RYR2: variants seen among roughly 807,000 people sequenced by gnomAD.
RYR2 encodes the protein ryanodine receptor 2.
A neutral mutation model predicts 601.1 loss-of-function variants in RYR2; 227 were observed. The ratio of observed to expected loss-of-function variants is 0.38; its 90% CI spans 0.34 to 0.42. The LOEUF is 0.42. Ranked by LOEUF, RYR2 falls within the 10% of genes least tolerant of loss-of-function variation. RYR2 has a pLI of 1.00. For missense variants in RYR2, 4,646 were observed against 6,156.5 expected (o/e 0.75, Z 8.21); for synonymous variants, 2,223 against 2,175.1 (o/e 1.02, Z -0.61).
intron 2 of RYR2, among the ~76,000 whole-genome samples, chr1:237,274,638 T>C (rs1690075517): frequency 6.6e-6 from 1 of 152,166 alleles, no homozygotes; most frequent in African/African-American, 2.4e-5. Flanking sequence ...ACAGCGTTTA[T>C]AAAGTTTGCA....
chr1:237,751,989 A>G (rs1378751663), intron 80 of RYR2, among the ~76,000 whole-genome samples: 2 of 152,222 alleles, frequency 1.3e-5, no homozygotes, highest in Non-Finnish European at 2.9e-5. Context: ...CAAACAAAAA[A>G]GATAACATTT....
intron 47 of RYR2, 32 bp downstream of exon 47, chr1:237,641,034 C>G (rs1427858949): frequency 1.3e-6 from 2 of 1,515,702 alleles, no homozygotes; most frequent in East Asian, 2.3e-5. Flanking sequence ...AGCAGCAATC[C>G]TGATTTCTCT....
In RYR2 at chr1:237,595,607, G is replaced by A. The variant is rs1287904079; in HGVS notation, c.4546G>A (p.Gly1516Arg). 2 of 1,613,248 alleles carry A rather than the reference G, an allele frequency of 1.2e-6. No individual in the cohort carries two copies. Among genetic ancestry groups the A allele is most frequent in the South Asian group, 1.1e-5 (1 of 90,876 alleles). The stretch of plus-strand genomic sequence containing the variant: ...TGGCTGTGTGGTGGATGCTGCCAGC[G>A]GGCTGCTCACATTCATTGCCAATGG... ...EIGCVVDAAS[G>R]LLTFIANGKE... Residue 1516 changes from glycine (G) to arginine (R), a missense_variant, in exon 34 of 105, where the codon GGG becomes AGG. This residue lies in a region of RYR2 where 1,807 missense variants were observed against 2,088.1 expected (regional missense o/e 0.87). Coordinates refer to ENST00000366574, the MANE Select transcript of RYR2 (RefSeq NM_001035.3).
rs774515681 is a variant in RYR2 at position 237,783,856 on chromosome 1, C to G, written c.12144C>G (p.Phe4048Leu). 2.0e-5 allele frequency: 32 copies of G among 1,613,694 alleles called. No homozygotes were observed. The highest frequency in any genetic ancestry group is 2.6e-5 in the Non-Finnish European group (31 of 1,179,844). Reference protein sequence around the residue: ...DGKGVISKRDFHKAMESHKHY... With the variant: ...DGKGVISKRDLHKAMESHKHY... Reference sequence around the variant, plus strand: ...AGGGAGTCATTTCCAAGAGGGACTTCCACAAAGCGATGGAGAGCCATAAGC... The same window carrying G: ...AGGGAGTCATTTCCAAGAGGGACTTGCACAAAGCGATGGAGAGCCATAAGC... Residue 4048 changes from phenylalanine to leucine, a missense_variant, in exon 90 of 105, where the codon TTC becomes TTG. Phe to Leu is a conservative substitution (Grantham distance 22, BLOSUM62 0). This residue lies in a region of RYR2 where 66 missense variants were observed against 80.7 expected (regional missense o/e 0.82). Transcript: ENST00000366574.
intron 1 of RYR2, among the ~76,000 whole-genome samples, chr1:237,132,417 G>A (rs1043156742): frequency 1.3e-5 from 2 of 152,198 alleles, no homozygotes; most frequent in African/African-American, 4.8e-5. Flanking sequence ...TTGAATTCCT[G>A]ATCCACAGAA....
intron 74 of RYR2, 90 bp from the exon 75 acceptor site, chr1:237,726,183 A>T: frequency 1.1e-6 from 1 of 888,818 alleles, no homozygotes; most frequent in Admixed American, 2.5e-5. Flanking sequence ...TACTTCAGAC[A>T]TTATTACAAT....
rs1161310484 is a variant in RYR2, at chr1:237,467,935, T to G, written c.1613-1157T>G. 2.0e-5 allele frequency among the ~76,000 whole-genome samples: 3 copies of G among 150,776 alleles called. No individual in the cohort carries two copies. In the Admixed American group the frequency reaches 2.0e-4, roughly 10 times the overall value. On this transcript the variant is annotated intron_variant, in intron 16 of 104. Transcript: ENST00000366574. ...GTGCGGTGGCACGATCTTGGCTCAC[T>G]GCAACATCTGCCTCCCGGGTTCAAG...
chr1:237,325,170 C>A (rs896596762), intron 2 of RYR2, among the ~76,000 whole-genome samples: 1 of 152,180 alleles, frequency 6.6e-6, no homozygotes, highest in African/African-American at 2.4e-5. Context: ...GTTGATTAAT[C>A]TTCAGCAGGA....
chr1:237,605,656 A>G (rs1344543431), intron 35 of RYR2, among the ~76,000 whole-genome samples: 5 of 151,976 alleles, frequency 3.3e-5, no homozygotes, highest in Admixed American at 1.3e-4. Context: ...ATAATTGTAT[A>G]TTTAGAAAAC....
At chr1:237,765,813 C>T (rs1337139654) in intron 84 of RYR2, among the ~76,000 whole-genome samples, 1 of 152,162 alleles carries the variant, frequency 6.6e-6, no homozygotes, top group East Asian at 1.9e-4. Flanking sequence ...TTGAAGCGCT[C>T]ATTTAAATTA....
intron 12 of RYR2, among the ~76,000 whole-genome samples, chr1:237,424,590 T>G (rs1705943138): frequency 6.6e-6 from 1 of 152,210 alleles, no homozygotes; most frequent in African/African-American, 2.4e-5. Flanking sequence ...ATACATGCAC[T>G]ACAATGCTTT....
At chr1:237,515,312 A>T (rs1003781647) in intron 24 of RYR2, among the ~76,000 whole-genome samples, 1 of 152,214 alleles carries the variant, frequency 6.6e-6, no homozygotes, top group South Asian at 2.1e-4. Flanking sequence ...TGATATAAGG[A>T]TTTTTAATCG....
rs769219555 is a variant in RYR2, at chr1:237,648,612, C to T, written c.7511C>T (p.Thr2504Met). Residue 2504 changes from threonine (T) to methionine (M), a missense_variant and splice_region_variant, in exon 49 of 105, where the codon ACG becomes ATG. By Grantham distance (81) the Thr-to-Met change is moderately conservative (BLOSUM62 -1). Coordinates refer to ENST00000366574, the MANE Select transcript of RYR2 (RefSeq NM_001035.3). ...PDLRAAASLD[T>M]AALSATDMAL... ...CTCCGGGCGGCTGCTTCTTTAGATACGGTGAGATTGGAGCGATGGACTTCC... is the reference window on the plus strand; with the variant it reads ...CTCCGGGCGGCTGCTTCTTTAGATATGGTGAGATTGGAGCGATGGACTTCC... 57 of 1,607,438 alleles carry T rather than the reference C, an allele frequency of 3.5e-5. No homozygotes were observed. Among genetic ancestry groups the T allele is most frequent in the Middle Eastern group, 1.7e-4 (1 of 6,044 alleles).
At chr1:237,525,639 C>G (rs181254914) in intron 24 of RYR2, among the ~76,000 whole-genome samples, 102 of 151,880 alleles carry the variant, frequency 6.7e-4, no homozygotes, top group African/African-American at 2.4e-3. Context: ...TTAGTAGAGA[C>G]GGGGTTTCAC....
rs1037666466 is a variant in RYR2 at position 237,521,545 on chromosome 1, C to A, written c.2823-8882C>A. Among the ~76,000 whole-genome samples the A allele has an allele frequency of 2.2e-5, 3 of 139,136 alleles. No homozygotes were observed. In the Admixed American group the frequency reaches 2.3e-4, roughly 11 times the overall value. 91.3% of individuals were successfully genotyped at this position (139,136 alleles called of 152,430 possible). ...GAGCAGCCTGGCCAACATGGTGAAA[C>A]CCTGTCTCTACTAAAATTATAAAAA... is the stretch of plus-strand genomic sequence containing the variant. On this transcript the variant is annotated intron_variant, in intron 24 of 104. Transcript: ENST00000366574.
chr1:237,795,458 T>TA, intron 96 of RYR2, 127 bp downstream of exon 96: 2 of 519,582 alleles, frequency 3.8e-6, no homozygotes. Context: ...CCATTTTTTT[T>TA]TTTTAATTTT....
At chr1:237,244,646 T>C (rs565543364) in intron 1 of RYR2, among the ~76,000 whole-genome samples, 5 of 152,272 alleles carry the variant, frequency 3.3e-5, no homozygotes, top group African/African-American at 1.2e-4. Context: ...GCCGGCCTTT[T>C]CCTCTCGGAA....
chr1:237,048,804 C>T (rs1660902008), intron 1 of RYR2, among the ~76,000 whole-genome samples: 1 of 152,104 alleles, frequency 6.6e-6, no homozygotes, highest in Admixed American at 6.5e-5. Flanking sequence ...CTGTTAACTA[C>T]AAGGACAGAC....
intron 19 of RYR2, among the ~76,000 whole-genome samples, chr1:237,494,638 A>G (rs139022885): frequency 2.0e-5 from 3 of 152,332 alleles, no homozygotes; most frequent in African/African-American, 4.8e-5. Context: ...AAATGAACAC[A>G]TAAATAAATG....
Sources: allele counts gnomAD v4.1 joint callset (sites outside exome capture counted in the v4.1 genomes callset), GRCh38; gene constraint gnomAD v4.1.1; regional missense constraint gnomAD v4.1.1; transcripts MANE v1.5; gene names NCBI Gene and HGNC (gene_info 2026-07-23, HGNC 2026-07-21).